CADM2: variants seen among roughly 807,000 people sequenced by gnomAD.
The protein encoded by CADM2 is immunoglobulin superfamily member 4D.
In CADM2, 12 loss-of-function variants were observed where a neutral mutation model predicts 49.8. The observed-to-expected ratio is 0.24, with a 90% CI of 0.15 to 0.39. CADM2 has a LOEUF of 0.39. Among genes scored for constraint, CADM2 ranks in the 10% least tolerant of loss-of-function variants. The pLI, the probability that CADM2 is intolerant of heterozygous loss-of-function variation, is 1.00. For missense variants in CADM2, 378 were observed against 492.3 expected (o/e 0.77, Z 2.20); for synonymous variants, 214 against 175.4 (o/e 1.22, Z -1.74).
At chr3:84,995,705 A>T (rs762944018) in intron 1 of CADM2, among the ~76,000 whole-genome samples, 3 of 152,156 alleles carry the variant, frequency 2.0e-5, no homozygotes, top group African/African-American at 4.8e-5. Context: ...CCTACAAAAG[A>T]GATTAATATT....
intron 3 of CADM2, among the ~76,000 whole-genome samples, chr3:85,875,943 AT>A (rs1466658960): frequency 6.6e-6 from 1 of 152,132 alleles, no homozygotes; most frequent in Non-Finnish European, 1.5e-5. Context: ...AACTTGGCTT[AT>A]TGTACTGACA....
chr3:86,061,985 G>T (rs1468161955), intron 8 of CADM2, among the ~76,000 whole-genome samples: 5 of 97,930 alleles, frequency 5.1e-5, no homozygotes, highest in Non-Finnish European at 2.1e-5. Flanking sequence ...GCTGTTGATG[G>T]TGGGGGGGGG....
intron 1 of CADM2, among the ~76,000 whole-genome samples, chr3:85,025,800 G>A (rs1024604007): frequency 3.3e-5 from 5 of 151,514 alleles, no homozygotes; most frequent in Admixed American, 2.6e-4. Flanking sequence ...GAATGTTTTC[G>A]CTATATCATG....
intron 1 of CADM2, among the ~76,000 whole-genome samples, chr3:85,086,582 G>A (rs2037386849): frequency 6.7e-6 from 1 of 148,748 alleles, no homozygotes; most frequent in Non-Finnish European, 1.5e-5. Flanking sequence ...TGTGATCTTG[G>A]CTCACGGCAG....
At chr3:85,938,643 ACTC>A in intron 7 of CADM2, among the ~76,000 whole-genome samples, 1 of 152,042 alleles carries the variant, frequency 6.6e-6, no homozygotes, top group East Asian at 1.9e-4. Context: ...TCAAAGTTCT[ACTC>A]CATTATTTTG....
intron 1 of CADM2, among the ~76,000 whole-genome samples, chr3:85,303,845 G>A (rs769038635): frequency 6.6e-6 from 1 of 151,838 alleles, no homozygotes; most frequent in Non-Finnish European, 1.5e-5. Context: ...GTGATTCACA[G>A]CATTAAAAGA....
intron 6 of CADM2, among the ~76,000 whole-genome samples, chr3:85,929,175 A>G (rs1720287870): frequency 6.6e-6 from 1 of 152,130 alleles, no homozygotes. Context: ...GTATTGAACC[A>G]AAAGAGTCAT....
At chr3:85,247,765 G>A (rs1320817802) in intron 1 of CADM2, among the ~76,000 whole-genome samples, 3 of 152,034 alleles carry the variant, frequency 2.0e-5, no homozygotes, top group African/African-American at 7.2e-5. Context: ...CTCTTCCTGT[G>A]TCATGATAGG....
chr3:85,096,150 T>A (rs2037786038), intron 1 of CADM2, among the ~76,000 whole-genome samples: 1 of 152,172 alleles, frequency 6.6e-6, no homozygotes, highest in Admixed American at 6.6e-5. Context: ...AATAAGTATT[T>A]GATTTATAAG....
chr3:85,212,860 T>TCTC (rs1559723747), intron 1 of CADM2, among the ~76,000 whole-genome samples: 4 of 114,924 alleles, frequency 3.5e-5, no homozygotes, highest in Non-Finnish European at 3.7e-5. Flanking sequence ...CTTTCTTTCT[T>TCTC]TCTTTCTTTC....
intron 1 of CADM2, among the ~76,000 whole-genome samples, chr3:85,429,148 A>G (rs917984129): frequency 6.6e-6 from 1 of 152,070 alleles, no homozygotes; most frequent in African/African-American, 2.4e-5. Context: ...GGTCCTGTAT[A>G]TGCTATTAGA....
At chr3:85,616,519 T>C (rs774984391) in intron 1 of CADM2, among the ~76,000 whole-genome samples, 6 of 152,142 alleles carry the variant, frequency 3.9e-5, no homozygotes, top group Non-Finnish European at 7.4e-5. Context: ...GATTTTTATG[T>C]ATTTAATCCT....
intron 8 of CADM2, among the ~76,000 whole-genome samples, chr3:86,007,594 C>G (rs1322497436): frequency 6.6e-6 from 1 of 152,146 alleles, no homozygotes; most frequent in Non-Finnish European, 1.5e-5. Flanking sequence ...TCACAGTAAT[C>G]TTTTGCTAAG....
At chr3:85,987,022 T>C (rs2108686371) in intron 8 of CADM2, among the ~76,000 whole-genome samples, 1 of 152,250 alleles carries the variant, frequency 6.6e-6, no homozygotes, top group Non-Finnish European at 1.5e-5. Context: ...AGAATCAACA[T>C]ATATAACATA....
chr3:85,012,483 A>G (rs969895024), intron 1 of CADM2, among the ~76,000 whole-genome samples: 3 of 149,372 alleles, frequency 2.0e-5, no homozygotes, highest in Non-Finnish European at 4.5e-5. Flanking sequence ...ACATTTAAAT[A>G]TATGTATATA....
chr3:85,497,587 T>G (rs1023797363), intron 1 of CADM2, among the ~76,000 whole-genome samples: 2 of 152,174 alleles, frequency 1.3e-5, no homozygotes, highest in Non-Finnish European at 2.9e-5. Context: ...TTTAAATGTT[T>G]TGTAATTCTC....
At chr3:85,775,773 A>C (rs2070331353) in intron 2 of CADM2, among the ~76,000 whole-genome samples, 1 of 151,894 alleles carries the variant, frequency 6.6e-6, no homozygotes, top group African/African-American at 2.4e-5. Flanking sequence ...AAAAGGAATT[A>C]TACTCTCATT....
At chr3:85,409,427 A>G (rs11918899) in intron 1 of CADM2, among the ~76,000 whole-genome samples, 76,217 of 151,958 alleles carry the variant, frequency 0.5, 22,260 homozygotes, top group East Asian at 0.83. Flanking sequence ...ATTTGAGTTG[A>G]GTCTTAAGGA....
intron 1 of CADM2, among the ~76,000 whole-genome samples, chr3:85,237,122 A>G (rs1207234653): frequency 6.6e-6 from 1 of 152,100 alleles, no homozygotes; most frequent in East Asian, 1.9e-4. Flanking sequence ...CACATATACC[A>G]AAGGCAAGCG....
Sources: allele counts gnomAD v4.1 joint callset (sites outside exome capture counted in the v4.1 genomes callset), GRCh38; gene constraint gnomAD v4.1.1; transcripts MANE v1.5; gene names NCBI Gene and HGNC (gene_info 2026-07-23, HGNC 2026-07-21).